The following RAPGEF5 variants were observed in gnomAD, a reference collection of about 807,000 sequenced individuals.
RAPGEF5 encodes Rap guanine nucleotide exchange factor 5, also known as M-Ras-regulated GEF.
Under a neutral mutation model 125.2 loss-of-function variants are expected in RAPGEF5, and 65 were observed. The ratio of observed to expected loss-of-function variants is 0.52; its 90% CI spans 0.43 to 0.64. The LOEUF (loss-of-function observed/expected upper bound fraction) is 0.64, where lower values mean the gene tolerates loss of function less well. Among genes scored for constraint, RAPGEF5 ranks in the 30% least tolerant of loss-of-function variants. The pLI is 0.00. For synonymous variants in RAPGEF5, 391 were observed against 385.9 expected (o/e 1.01, Z -0.16); for missense variants, 958 against 1,048.1 (o/e 0.91, Z 1.19).
At chr7:22,315,546 ACT>A (rs1491429236) in intron 2 of RAPGEF5, 70 bp from the exon 3 acceptor site, 4 of 621,580 alleles carry the variant, frequency 6.4e-6, no homozygotes, top group East Asian at 8.9e-5. Context: ...CCAATAGCAT[ACT>A]ATATATATAT....
chr7:22,181,013 T>C (rs1014599673), intron 11 of RAPGEF5, among the ~76,000 whole-genome samples: 6 of 152,190 alleles, frequency 3.9e-5, no homozygotes, highest in Non-Finnish European at 8.8e-5. Flanking sequence ...CATCAGTAAA[T>C]GAAAATGGCT....
chr7:22,193,220 A>T, intron 11 of RAPGEF5, 147 bp downstream of exon 11: 6 of 837,978 alleles, frequency 7.2e-6, no homozygotes, highest in Non-Finnish European at 1.1e-5. Context: ...TAAACAAATC[A>T]GCACAAGGCA....
intron 11 of RAPGEF5, among the ~76,000 whole-genome samples, chr7:22,183,740 C>T (rs1784746748): frequency 6.6e-6 from 1 of 152,166 alleles, no homozygotes; most frequent in Admixed American, 6.5e-5. Flanking sequence ...TTAGATAGAA[C>T]ACCGTGTGCA....
chr7:22,159,003 G>C (rs1198410103), intron 14 of RAPGEF5, among the ~76,000 whole-genome samples: 1 of 152,054 alleles, frequency 6.6e-6, no homozygotes, highest in Non-Finnish European at 1.5e-5. Context: ...CTTTTAAAAT[G>C]GAATGTATTA....
At chr7:22,261,552 C>A (rs1391557654) in intron 7 of RAPGEF5, among the ~76,000 whole-genome samples, 1 of 152,182 alleles carries the variant, frequency 6.6e-6, no homozygotes, top group East Asian at 1.9e-4. Flanking sequence ...GTCAAAGCTG[C>A]AGTGAGCAGT....
intron 7 of RAPGEF5, among the ~76,000 whole-genome samples, chr7:22,257,807 T>C (rs2128139640): frequency 6.6e-6 from 1 of 152,338 alleles, no homozygotes; most frequent in Admixed American, 6.5e-5. Context: ...GAAAGAAATG[T>C]CTTTGTTTTT....
intron 6 of RAPGEF5, among the ~76,000 whole-genome samples, chr7:22,271,764 TCTTGGATAACCAA>T (rs1326056799): frequency 6.6e-6 from 1 of 152,202 alleles, no homozygotes; most frequent in Non-Finnish European, 1.5e-5. Context: ...TGGCTTTCTA[TCTTGGATAACCAA>T]CATGGCTGTT....
chr7:22,218,908 CTA>C (rs1785708325), intron 9 of RAPGEF5, among the ~76,000 whole-genome samples: 1 of 152,156 alleles, frequency 6.6e-6, no homozygotes, highest in African/African-American at 2.4e-5. Context: ...TAGAGAAGTG[CTA>C]TGTTATTAAA....
At chr7:22,140,438 G>A (rs1055614497) in intron 20 of RAPGEF5, among the ~76,000 whole-genome samples, 10 of 151,580 alleles carry the variant, frequency 6.6e-5, no homozygotes, top group Admixed American at 5.3e-4. Flanking sequence ...CTTTATATAC[G>A]CCCCACTCTC....
intron 9 of RAPGEF5, chr7:22,203,015 C>A: frequency 4.4e-6 from 1 of 228,226 alleles, no homozygotes; most frequent in South Asian, 4.4e-5. Flanking sequence ...CAGGGTCTTG[C>A]TATGATTTTG....
At chr7:22,133,014 C>T (rs1782962990) in intron 23 of RAPGEF5, among the ~76,000 whole-genome samples, 1 of 152,228 alleles carries the variant, frequency 6.6e-6, no homozygotes, top group Admixed American at 6.5e-5. Flanking sequence ...TTCTTGCTAT[C>T]AGGTGCAGTC....
chr7:22,343,411 T>C (rs1050733552), intron 1 of RAPGEF5, among the ~76,000 whole-genome samples: 3 of 152,180 alleles, frequency 2.0e-5, no homozygotes, highest in African/African-American at 7.2e-5. Flanking sequence ...TTCTTATACC[T>C]AAAGAATTGT....
chr7:22,183,077 A>G (rs1784721380), intron 11 of RAPGEF5, among the ~76,000 whole-genome samples: 1 of 152,086 alleles, frequency 6.6e-6, no homozygotes, highest in Non-Finnish European at 1.5e-5. Context: ...GCTCAAGACC[A>G]GTCTGGCCAA....
intron 24 of RAPGEF5, among the ~76,000 whole-genome samples, chr7:22,130,038 T>G (rs767258456): frequency 1.9e-4 from 29 of 152,138 alleles, no homozygotes; most frequent in Non-Finnish European, 3.5e-4. Flanking sequence ...TCACTTAACC[T>G]CCTCTCAAGT....
intron 25 of RAPGEF5, chr7:22,125,160 A>AAC (rs1782697077): frequency 6.5e-6 from 1 of 152,952 alleles, no homozygotes; most frequent in Admixed American, 6.5e-5. Context: ...GGAGAGGAGA[A>AAC]AAGATTCTGG....
intron 7 of RAPGEF5, among the ~76,000 whole-genome samples, chr7:22,260,122 T>G (rs998472207): frequency 1.3e-5 from 2 of 152,010 alleles, no homozygotes; most frequent in Non-Finnish European, 2.9e-5. Flanking sequence ...TGTAGTGGGT[T>G]AGAGGAACAT....
intron 21 of RAPGEF5, chr7:22,139,763 T>C (rs1185645930): frequency 5.7e-6 from 2 of 351,350 alleles, no homozygotes; most frequent in South Asian, 4.4e-5. Context: ...GGGGAGACTG[T>C]GGGGACCAGC....
intron 7 of RAPGEF5, among the ~76,000 whole-genome samples, chr7:22,254,523 G>A (rs1295241566): frequency 1.3e-5 from 2 of 149,752 alleles, no homozygotes; most frequent in South Asian, 2.1e-4. Flanking sequence ...CAGGAGAATC[G>A]CTTGAACTCA....
intron 1 of RAPGEF5, among the ~76,000 whole-genome samples, chr7:22,341,133 G>T (rs1384253355): frequency 6.6e-6 from 1 of 152,168 alleles, no homozygotes; most frequent in Admixed American, 6.5e-5. Flanking sequence ...AAAAGAAATA[G>T]GTTTAATGGA....
Sources: allele counts gnomAD v4.1 joint callset (sites outside exome capture counted in the v4.1 genomes callset), GRCh38; gene constraint gnomAD v4.1.1; transcripts MANE v1.5; gene names NCBI Gene and HGNC (gene_info 2026-07-23, HGNC 2026-07-21).